Variants in STRBP observed in about 807,000 individuals in gnomAD.
STRBP encodes the protein spermatid perinuclear RNA binding protein.
Under a neutral mutation model 80.1 loss-of-function variants are expected in STRBP, and 13 were observed. That is an observed-to-expected ratio of 0.16 (90% confidence interval 0.11 to 0.26). The LOEUF (loss-of-function observed/expected upper bound fraction) is 0.26, where lower values mean the gene tolerates loss of function less well. Ranked by LOEUF, STRBP falls within the 10% of genes least tolerant of loss-of-function variation. STRBP has a pLI of 1.00. For missense variants in STRBP, 485 were observed against 815.2 expected, an observed-to-expected ratio of 0.59 and a Z score of 4.93; for synonymous variants, 284 against 291.2, an observed-to-expected ratio of 0.98 and a Z score of 0.25.
chr9:123,128,825 C>T (rs1467758918), intron 17 of STRBP, among the ~76,000 whole-genome samples: 1 of 152,194 alleles, frequency 6.6e-6, no homozygotes, highest in Admixed American at 6.5e-5. Context: ...AGGGCAAGGT[C>T]TATGACTTGC....
At chr9:123,254,151 C>T (rs1044166934) in intron 1 of STRBP, among the ~76,000 whole-genome samples, 6 of 152,082 alleles carry the variant, frequency 3.9e-5, no homozygotes, top group East Asian at 1.9e-4. Context: ...AACTCAGCTA[C>T]GTTCATTTAA....
At chr9:123,198,386 C>G (rs1377396903) in intron 2 of STRBP, among the ~76,000 whole-genome samples, 1 of 152,166 alleles carries the variant, frequency 6.6e-6, no homozygotes, top group African/African-American at 2.4e-5. Context: ...GATCCACCCA[C>G]CTCAGCCTTC....
At chr9:123,162,599 G>A (rs2037568490) in intron 6 of STRBP, among the ~76,000 whole-genome samples, 1 of 152,036 alleles carries the variant, frequency 6.6e-6, no homozygotes, top group Non-Finnish European at 1.5e-5. Context: ...AAGAACTGTG[G>A]TTCTCTTTAC....
chr9:123,132,056 T>G (rs1261903232), intron 17 of STRBP, among the ~76,000 whole-genome samples: 1 of 152,238 alleles, frequency 6.6e-6, no homozygotes, highest in Admixed American at 6.5e-5. Flanking sequence ...CTGGATAATC[T>G]ACTGTTAAAA....
chr9:123,143,713 T>C (rs1402874071), intron 13 of STRBP, among the ~76,000 whole-genome samples: 1 of 152,202 alleles, frequency 6.6e-6, no homozygotes, highest in African/African-American at 2.4e-5. Context: ...CTCTAGAATA[T>C]ATCTTAAGGG....
intron 11 of STRBP, 117 bp from the exon 12 acceptor site, chr9:123,147,987 A>G (rs1157669731): frequency 2.5e-6 from 2 of 811,474 alleles, no homozygotes; most frequent in Non-Finnish European, 3.6e-6. Context: ...GGACCATACA[A>G]CTTTTTCACT....
At chr9:123,185,011 T>C (rs1206986303) in intron 2 of STRBP, among the ~76,000 whole-genome samples, 1 of 152,122 alleles carries the variant, frequency 6.6e-6, no homozygotes, top group East Asian at 1.9e-4. Flanking sequence ...TATGAGATTT[T>C]ATTCCAGACA....
At chr9:123,227,130 G>A (rs1038617801) in intron 2 of STRBP, among the ~76,000 whole-genome samples, 1 of 152,136 alleles carries the variant, frequency 6.6e-6, no homozygotes, top group Non-Finnish European at 1.5e-5. Flanking sequence ...TGCTTTTTGG[G>A]AGACGCATTC....
chr9:123,191,272 G>A (rs1176424904), intron 2 of STRBP, among the ~76,000 whole-genome samples: 1 of 152,116 alleles, frequency 6.6e-6, no homozygotes, highest in Non-Finnish European at 1.5e-5. Flanking sequence ...ACTTGATGGG[G>A]TTAACAGCCA....
At chr9:123,225,432 AG>A (rs2040204076) in intron 2 of STRBP, among the ~76,000 whole-genome samples, 1 of 152,194 alleles carries the variant, frequency 6.6e-6, no homozygotes, top group South Asian at 2.1e-4. Flanking sequence ...CCACCTCTGG[AG>A]GTTGTGGTAT....
At chr9:123,190,488 AGAAGG>A (rs2038884044) in intron 2 of STRBP, among the ~76,000 whole-genome samples, 1 of 151,732 alleles carries the variant, frequency 6.6e-6, no homozygotes, top group African/African-American at 2.4e-5. Context: ...GGCACGTGCA[AGAAGG>A]TTAAACCTAT....
intron 11 of STRBP, among the ~76,000 whole-genome samples, chr9:123,157,690 G>C (rs1158132906): frequency 6.6e-6 from 1 of 152,068 alleles, no homozygotes; most frequent in Non-Finnish European, 1.5e-5. Flanking sequence ...GACGTGCAGA[G>C]TGAAGTTGGG....
At chr9:123,204,464 A>G (rs2039439866) in intron 2 of STRBP, among the ~76,000 whole-genome samples, 2 of 152,228 alleles carry the variant, frequency 1.3e-5, no homozygotes, top group South Asian at 4.1e-4. Flanking sequence ...AACCACGATC[A>G]AACATGAAAT....
chr9:123,249,829 G>A (rs140373432), intron 1 of STRBP, among the ~76,000 whole-genome samples: 2 of 152,262 alleles, frequency 1.3e-5, no homozygotes, highest in African/African-American at 4.8e-5. Context: ...TTTCCAAGTA[G>A]TATGAAGGCA....
At chr9:123,195,142 CAAAAA>C (rs992101796) in intron 2 of STRBP, among the ~76,000 whole-genome samples, 1 of 151,950 alleles carries the variant, frequency 6.6e-6, no homozygotes, top group Admixed American at 6.6e-5. Flanking sequence ...CAAAACAAAA[CAAAAA>C]ACCACACAAG....
intron 17 of STRBP, 148 bp downstream of exon 17, chr9:123,132,697 G>T: frequency 8.5e-7 from 1 of 1,173,700 alleles, no homozygotes; most frequent in Non-Finnish European, 1.2e-6. Context: ...ATGACATTCT[G>T]CCAATTCTCT....
chr9:123,172,812 T>TA (rs2038064927), intron 5 of STRBP, among the ~76,000 whole-genome samples: 1 of 152,062 alleles, frequency 6.6e-6, no homozygotes, highest in African/African-American at 2.4e-5. Flanking sequence ...AGACCCCTTT[T>TA]AAAAGATATA....
chr9:123,207,449 A>C (rs1248631890), intron 2 of STRBP, among the ~76,000 whole-genome samples: 1 of 152,244 alleles, frequency 6.6e-6, no homozygotes, highest in Non-Finnish European at 1.5e-5. Context: ...AAAAAACATA[A>C]GATAATGTTA....
At chr9:123,199,775 T>G (rs147552161) in intron 2 of STRBP, among the ~76,000 whole-genome samples, 1 of 152,342 alleles carries the variant, frequency 6.6e-6, no homozygotes, top group African/African-American at 2.4e-5. Flanking sequence ...TCTAAGAGTC[T>G]TTATGACTTT....
Sources: gnomAD v4.1 joint callset for allele counts (sites outside exome capture counted in the v4.1 genomes callset) on GRCh38, gnomAD v4.1.1 for gene constraint, MANE v1.5 for transcripts, NCBI Gene and HGNC (gene_info 2026-07-23, HGNC 2026-07-21) for gene names.